Variants in ERBB4 observed in about 807,000 individuals in gnomAD.
ERBB4 encodes the protein erb-b2 receptor tyrosine kinase 4.
In ERBB4, 42 loss-of-function variants were observed where a neutral mutation model predicts 158.0. That is an observed-to-expected ratio of 0.27 (90% CI 0.21 to 0.34). ERBB4 has a LOEUF of 0.34. ERBB4 is among the 10% of genes least tolerant of loss of function. The pLI is 1.00. For missense variants in ERBB4, 1,333 were observed against 1,624.1 expected, an observed-to-expected ratio of 0.82 and a Z score of 3.08; for synonymous variants, 583 against 558.7, an observed-to-expected ratio of 1.04 and a Z score of -0.61.
chr2:211,576,892 G>GAA (rs1187335591), intron 19 of ERBB4, among the ~76,000 whole-genome samples: 5 of 152,034 alleles, frequency 3.3e-5, no homozygotes, highest in African/African-American at 1.2e-4. Flanking sequence ...AATGTTAAAA[G>GAA]CAAAAAGATA....
At chr2:211,758,273 GC>G (rs1462618076) in intron 4 of ERBB4, among the ~76,000 whole-genome samples, 1 of 152,030 alleles carries the variant, frequency 6.6e-6, no homozygotes, top group Non-Finnish European at 1.5e-5. Context: ...CTTCCAACAT[GC>G]CTTCAGAATG....
intron 3 of ERBB4, among the ~76,000 whole-genome samples, chr2:211,864,837 C>T (rs2078162627): frequency 6.6e-6 from 1 of 151,848 alleles, no homozygotes; most frequent in South Asian, 2.1e-4. Flanking sequence ...GTGGTGGCAC[C>T]CTGTCTCTAC....
intron 2 of ERBB4, among the ~76,000 whole-genome samples, chr2:212,111,980 G>A (rs778891418): frequency 7.9e-5 from 12 of 152,040 alleles, no homozygotes; most frequent in Non-Finnish European, 1.6e-4. Context: ...CAAAGAGTTG[G>A]CAGTCAGTAA....
At chr2:211,412,214 T>C (rs772737484) in intron 25 of ERBB4, among the ~76,000 whole-genome samples, 3 of 152,122 alleles carry the variant, frequency 2.0e-5, no homozygotes, top group Non-Finnish European at 4.4e-5. Context: ...AGAAAGTCCA[T>C]CTCACCTCCT....
intron 1 of ERBB4, among the ~76,000 whole-genome samples, chr2:212,236,753 T>A (rs534118488): frequency 6.6e-6 from 1 of 152,352 alleles, no homozygotes. Context: ...TTTATTAGCT[T>A]AGAGGTGTTT....
intron 1 of ERBB4, among the ~76,000 whole-genome samples, chr2:212,206,589 C>CTTTTCTTTTT (rs2082754707): frequency 2.6e-5 from 3 of 116,450 alleles, no homozygotes; most frequent in Admixed American, 2.4e-4. Flanking sequence ...CTGTTCTGTT[C>CTTTTCTTTTT]TTTTTTTTTT....
chr2:211,929,431 C>A (rs953497943), intron 3 of ERBB4, among the ~76,000 whole-genome samples: 4 of 151,984 alleles, frequency 2.6e-5, no homozygotes, highest in Non-Finnish European at 5.9e-5. Flanking sequence ...GGGTTTCTTG[C>A]AAGACAGACC....
intron 5 of ERBB4, among the ~76,000 whole-genome samples, chr2:211,746,354 G>A (rs13024502): frequency 0.15 from 22,235 of 152,164 alleles, 1,837 homozygotes; most frequent in East Asian, 0.31. Flanking sequence ...AAATTTGGTA[G>A]GCTTTGTGGA....
At chr2:211,539,314 A>AT (rs1023632025) in intron 20 of ERBB4, among the ~76,000 whole-genome samples, 1 of 151,906 alleles carries the variant, frequency 6.6e-6, no homozygotes, top group Non-Finnish European at 1.5e-5. Context: ...TTGCTGTATG[A>AT]TTTTTTGTGC....
chr2:211,605,924 A>G (rs1294094676), intron 19 of ERBB4, among the ~76,000 whole-genome samples: 3 of 152,060 alleles, frequency 2.0e-5, no homozygotes, highest in African/African-American at 7.2e-5. Context: ...TTATATCAAG[A>G]TTCTAAATTC....
intron 3 of ERBB4, among the ~76,000 whole-genome samples, chr2:211,939,134 G>T (rs2080412840): frequency 6.6e-6 from 1 of 152,124 alleles, no homozygotes; most frequent in Non-Finnish European, 1.5e-5. Context: ...CTAAAATACA[G>T]CCTTAAGACC....
intron 1 of ERBB4, among the ~76,000 whole-genome samples, chr2:212,324,575 T>TGTGATTATA (rs1560021120): frequency 6.7e-6 from 1 of 149,510 alleles, no homozygotes; most frequent in East Asian, 2.0e-4. Flanking sequence ...AGTGGATCGG[T>TGTGATTATA]GAATAATAGA....
rs75958512 is a variant in ERBB4, at chr2:212,469,314, C to A, written c.82+69135G>T. 8.5e-3 allele frequency among the ~76,000 whole-genome samples: 1,294 copies of A among 152,218 alleles called. 19 individuals are homozygous for A. The highest frequency in any genetic ancestry group is 0.03 in the African/African-American group (1,246 of 41,562). On this transcript the variant is annotated intron_variant, in intron 1 of 27. Transcript: ENST00000342788. ...ACATAATGAAACCATTATGAAATTT[C>A]TACATTTGAATGTCTCTTTCAAAAA... is the stretch of plus-strand genomic sequence containing the variant.
At chr2:211,953,039 T>C (rs2080919846) in intron 2 of ERBB4, among the ~76,000 whole-genome samples, 2 of 152,022 alleles carry the variant, frequency 1.3e-5, no homozygotes, top group African/African-American at 4.8e-5. Flanking sequence ...TGGCCCTAAA[T>C]ATAGACTCTG....
At chr2:211,698,390 A>G (rs1252751484) in intron 12 of ERBB4, among the ~76,000 whole-genome samples, 5 of 151,774 alleles carry the variant, frequency 3.3e-5, no homozygotes, top group Non-Finnish European at 5.9e-5. Context: ...CTTATACTAT[A>G]TTAAGTATAA....
chr2:211,706,075 A>C (rs1383366897), intron 9 of ERBB4, among the ~76,000 whole-genome samples: 4 of 152,130 alleles, frequency 2.6e-5, no homozygotes, highest in African/African-American at 9.7e-5. Flanking sequence ...ATCCACAGTA[A>C]GTTTTAAAAT....
chr2:211,624,936 G>A (rs145935453), intron 17 of ERBB4, among the ~76,000 whole-genome samples: 3 of 152,130 alleles, frequency 2.0e-5, no homozygotes, highest in East Asian at 1.9e-4. Flanking sequence ...ATAATCACAG[G>A]GGGGGCTGGG....
At chr2:211,779,149 C>T (rs1190686372) in intron 4 of ERBB4, 1 of 152,214 alleles carries the variant, frequency 6.6e-6, no homozygotes, top group African/African-American at 2.4e-5. Flanking sequence ...TACAGCACCT[C>T]TACTACCATA....
At chr2:211,994,553 T>G (rs1436647707) in intron 2 of ERBB4, among the ~76,000 whole-genome samples, 1 of 152,238 alleles carries the variant, frequency 6.6e-6, no homozygotes, top group Non-Finnish European at 1.5e-5. Flanking sequence ...ATATTTACCT[T>G]CTCAATCTAT....
Sources: gnomAD v4.1 joint callset for allele counts (sites outside exome capture counted in the v4.1 genomes callset) on GRCh38, gnomAD v4.1.1 for gene constraint, MANE v1.5 for transcripts, NCBI Gene and HGNC (gene_info 2026-07-23, HGNC 2026-07-21) for gene names.